ASS1: variants seen among roughly 807,000 people sequenced by gnomAD.
ASS1 encodes argininosuccinate synthase 1, also known as argininosuccinate synthase.
ASS1 carries 58 observed loss-of-function variants against 60.5 expected under a neutral mutation model. The ratio of observed to expected loss-of-function variants is 0.96; its 90% CI spans 0.78 to 1.19. The LOEUF is 1.19. Among genes scored for constraint, ASS1 ranks in the 50% most tolerant of loss-of-function variants. The pLI is 0.00. For synonymous variants in ASS1, 200 were observed against 206.9 expected, an observed-to-expected ratio of 0.97 and a Z score of 0.29; for missense variants, 454 against 547.3, an observed-to-expected ratio of 0.83 and a Z score of 1.70.
chr9:130,494,037 T>C lies in ASS1; in HGVS notation c.971-830T>C, dbSNP rs991968639. Among the ~76,000 whole-genome samples, 24 of 152,238 alleles carry C rather than the reference T, an allele frequency of 1.6e-4. No individual in the cohort carries two copies. Among genetic ancestry groups the C allele is most frequent in the African/African-American group, 5.8e-4 (24 of 41,460 alleles). On this transcript the variant is annotated intron_variant, in intron 12 of 14. Coordinates refer to ENST00000352480, the MANE Select transcript of ASS1 (RefSeq NM_054012.4). This position sits in a 1 kb window ranked among gnomAD's most constrained non-coding sequence, Gnocchi z 4.3. ...TCCCCACTTCCGGCCTGTGTGATCC[T>C]GGAGAAGTTTCTTAACTTCTCTGAG...
rs1431259093 is a variant in ASS1 at position 130,476,854 on chromosome 9, T to G, written c.598-17T>G. 6.2e-7 allele frequency: 1 copy of G among 1,610,266 alleles called. No individual in the cohort carries two copies. Among genetic ancestry groups the G allele is most frequent in the South Asian group, 1.1e-5 (1 of 90,992 alleles). On this transcript the variant is annotated splice_polypyrimidine_tract_variant and intron_variant, in intron 8 of 14. Transcript: ENST00000352480. This position sits in a 1 kb window ranked among gnomAD's most constrained non-coding sequence, Gnocchi z 4.9. Reference sequence around the variant, plus strand: ...GACTGGTATGTCATCTGCCCACCACTTTCTGTCTTTTTTCAGAACCAAGCG... The same window carrying G: ...GACTGGTATGTCATCTGCCCACCACGTTCTGTCTTTTTTCAGAACCAAGCG...
At chr9:130,461,272 C>A (rs373516029) in intron 4 of ASS1, among the ~76,000 whole-genome samples, 1 of 152,076 alleles carries the variant, frequency 6.6e-6, no homozygotes. Flanking sequence ...CGGAGACCCC[C>A]ACCCCGGACC....
At chr9:130,458,730 C>CCTCT in intron 4 of ASS1, 141 bp downstream of exon 4, 3 of 1,204,390 alleles carry the variant, frequency 2.5e-6, no homozygotes, top group Non-Finnish European at 3.5e-6. Flanking sequence ...TGTTTAGACC[C>CCTCT]CAATGAGAGG....
chr9:130,496,736 G>A (rs904629874), intron 13 of ASS1, among the ~76,000 whole-genome samples: 2 of 152,232 alleles, frequency 1.3e-5, no homozygotes, highest in Non-Finnish European at 2.9e-5. Flanking sequence ...GGCAGGTAAC[G>A]ATTGGCCACT....
In ASS1 at chr9:130,470,072, G is replaced by A. The variant is rs1845831330; in HGVS notation, c.496-762G>A. 1.3e-5 allele frequency among the ~76,000 whole-genome samples: 2 copies of A among 152,298 alleles called. No individual in the cohort carries two copies. The highest frequency in any genetic ancestry group is 4.1e-4 in the South Asian group (2 of 4,828). ...TGCACGAGCTGGATTCCAGTCGGGC[G>A]TCATCAAGGGTGGTGCGGGTCCCCA... On this transcript the variant is annotated intron_variant, in intron 6 of 14. Coordinates refer to ENST00000352480, the MANE Select transcript of ASS1 (RefSeq NM_054012.4). This position sits in a 1 kb window ranked among gnomAD's most constrained non-coding sequence, Gnocchi z 4.3.
At chr9:130,453,851 G>A (rs994239717) in intron 2 of ASS1, among the ~76,000 whole-genome samples, 3 of 152,240 alleles carry the variant, frequency 2.0e-5, no homozygotes, top group Non-Finnish European at 4.4e-5. Context: ...TCTGCCTCCC[G>A]CCTCTCAGCT....
rs548732191 is a variant in ASS1 at position 130,494,582 on chromosome 9, A to G, written c.971-285A>G. On this transcript the variant is annotated intron_variant, in intron 12 of 14. Coordinates refer to ENST00000352480, the MANE Select transcript of ASS1 (RefSeq NM_054012.4). This position sits in a 1 kb window ranked among gnomAD's most constrained non-coding sequence, Gnocchi z 4.3. Reference sequence around the variant, plus strand: ...GGCCTGTGGCACTTCCTGAATGCCTATGGCATGAAGCAGTGGGTCACTTCC... The same window carrying G: ...GGCCTGTGGCACTTCCTGAATGCCTGTGGCATGAAGCAGTGGGTCACTTCC... 6.6e-6 allele frequency among the ~76,000 whole-genome samples: 1 copy of G among 152,194 alleles called. No individual in the cohort carries two copies. Among genetic ancestry groups the G allele is most frequent in the Non-Finnish European group, 1.5e-5 (1 of 68,034 alleles).
chr9:130,480,959 A>ATGGGGCTGTGCCACAGT (rs531475020), intron 11 of ASS1, among the ~76,000 whole-genome samples: 5 of 152,284 alleles, frequency 3.3e-5, no homozygotes, highest in African/African-American at 9.6e-5. Flanking sequence ...TTCTCCAGGG[A>ATGGGGCTGTGCCACAGT]TGGGGCTGTG....
intron 1 of ASS1, among the ~76,000 whole-genome samples, chr9:130,447,290 C>T (rs953221323): frequency 3.9e-5 from 6 of 152,228 alleles, no homozygotes; most frequent in African/African-American, 7.2e-5. Flanking sequence ...CTTGTGACCT[C>T]GGCTGGCCGC....
chr9:130,498,636 A>ATT (rs2118891074), intron 13 of ASS1, among the ~76,000 whole-genome samples: 1 of 152,310 alleles, frequency 6.6e-6, no homozygotes, highest in Admixed American at 6.5e-5. Context: ...CAGCTACATT[A>ATT]TTTCATGTGG....
chr9:130,499,512 G>A lies in ASS1; in HGVS notation c.1135G>A (p.Val379Met), dbSNP rs78549067. 2.6e-5 allele frequency: 42 copies of A among 1,613,592 alleles called. No individual in the cohort carries two copies. The highest frequency in any genetic ancestry group is 2.6e-5 in the Non-Finnish European group (31 of 1,179,876). ...LYNEELVSMN[V>M]QGDYEPTDAT... ...CTTCTACTCTCCTTGCAGCATGAAC[G>A]TGCAGGGTGATTATGAGCCAACTGA... is the stretch of plus-strand genomic sequence containing the variant. The change falls in exon 14 of 15, where the codon GTG (valine) becomes ATG (methionine). Residue 379 changes from valine (V) to methionine (M), a missense_variant. Physicochemically the swap from Val to Met is conservative, Grantham distance 21. Transcript: ENST00000352480.
At chr9:130,454,262 T>C (rs1845386768) in intron 2 of ASS1, 43 bp from the exon 3 acceptor site, 1 of 1,593,982 alleles carries the variant, frequency 6.3e-7, no homozygotes, top group South Asian at 1.1e-5. Flanking sequence ...AACTCAGGGC[T>C]CCCCCCAGGG....
chr9:130,452,435 G>A lies in ASS1; in HGVS notation c.105+102G>A, dbSNP rs528135451. 214 of 1,022,116 alleles carry A rather than the reference G, an allele frequency of 2.1e-4. 1 individual carries two copies. Among genetic ancestry groups the A allele is most frequent in the South Asian group, 2.0e-3 (152 of 75,582 alleles). The allele number at this position is 1,022,116 out of a possible 1,614,324, so 63.3% of individuals were successfully genotyped here. A position where few individuals can be genotyped will look rare whatever the true frequency, so the allele number is the denominator to read the frequency against. ...TGGGTTGTCAGCCTGTCTGCTCACC[G>A]TCACTCATTCAAGCCTGGCCTCTTC... On this transcript the variant is annotated intron_variant, in intron 2 of 14. Coordinates refer to ENST00000352480, the MANE Select transcript of ASS1 (RefSeq NM_054012.4).
chr9:130,474,938 G>T (rs903874359), intron 8 of ASS1, among the ~76,000 whole-genome samples: 9 of 152,224 alleles, frequency 5.9e-5, no homozygotes, highest in African/African-American at 1.9e-4. Flanking sequence ...GGAAGGTTCT[G>T]GGTTCTTGTT....
At chr9:130,499,371 C>A in intron 13 of ASS1, 134 bp from the exon 14 acceptor site, 1 of 908,572 alleles carries the variant, frequency 1.1e-6, no homozygotes, top group Non-Finnish European at 1.8e-6. Flanking sequence ...AGCCGACGTG[C>A]AGGGAGGGTT....
rs10121464 is a variant in ASS1 at position 130,501,156 on chromosome 9, T to C, written c.*135T>C. The stretch of plus-strand genomic sequence containing the variant: ...CGTAGTGGGGCTGCCAGGCCCCAGC[T>C]TTGTTCCCTGGTCCCCCTGAAGCCT... On this transcript the variant is annotated 3_prime_UTR_variant, in exon 15 of 15. Coordinates refer to ENST00000352480, the MANE Select transcript of ASS1 (RefSeq NM_054012.4). 2.4e-4 allele frequency: 244 copies of C among 1,010,314 alleles called. 1 individual carries two copies. The African/African-American group carries it at 3.3e-3, about 14-fold the overall frequency. 62.6% of individuals were successfully genotyped at this position (1,010,314 alleles called of 1,614,324 possible). A position where few individuals can be genotyped will look rare whatever the true frequency, so the allele number is the denominator to read the frequency against.
At chr9:130,449,341 T>TG (rs1469596970) in intron 1 of ASS1, among the ~76,000 whole-genome samples, 4 of 58,384 alleles carry the variant, frequency 6.9e-5, no homozygotes, top group Non-Finnish European at 1.4e-4. Context: ...AGACCCTGTC[T>TG]GAAAAAAAAA....
At chr9:130,445,951 G>T (rs1845184220) in intron 1 of ASS1, among the ~76,000 whole-genome samples, 1 of 152,222 alleles carries the variant, frequency 6.6e-6, no homozygotes. Context: ...CAAACCCAGT[G>T]ATGGGGAGAG....
intron 4 of ASS1, 118 bp downstream of exon 4, chr9:130,458,707 A>G (rs2131874390): frequency 7.2e-7 from 1 of 1,381,940 alleles, no homozygotes; most frequent in Non-Finnish European, 9.9e-7. Context: ...GGTGCAAGGC[A>G]GCTACATGGC....
Sources: gnomAD v4.1 joint callset for allele counts (sites outside exome capture counted in the v4.1 genomes callset) on GRCh38, gnomAD v4.1.1 for gene constraint, Gnocchi (gnomAD v3.1) non-coding constraint, MANE v1.5 for transcripts, NCBI Gene and HGNC (gene_info 2026-07-23, HGNC 2026-07-21) for gene names.